The following AGAP9 variants were observed in gnomAD, a reference collection of about 807,000 sequenced individuals.
AGAP9 encodes arf-GAP with GTPase, ANK repeat and PH domain-containing protein 9.
AGAP9 carries 23 observed loss-of-function variants against 55.6 expected under a neutral mutation model. The ratio of observed to expected loss-of-function variants is 0.41; its 90% CI spans 0.30 to 0.59. AGAP9 has a LOEUF of 0.59. Ranked by LOEUF, AGAP9 falls within the 20% of genes least tolerant of loss-of-function variation. The pLI, the probability that AGAP9 is intolerant of heterozygous loss-of-function variation, is 0.25. For missense variants in AGAP9, 309 were observed against 808.1 expected, an observed-to-expected ratio of 0.38 and a Z score of 7.49; for synonymous variants, 120 against 305.0, an observed-to-expected ratio of 0.39 and a Z score of 6.32.
intron 2 of AGAP9, among the ~76,000 whole-genome samples, chr10:47,522,229 G>A (rs71277342): frequency 0.018 from 2,162 of 117,940 alleles, 81 homozygotes; most frequent in South Asian, 0.044. Context: ...AAAAGTCTAC[G>A]TTGACGTTTC....
chr10:47,514,220 A>T (rs1840685847), intron 4 of AGAP9, among the ~76,000 whole-genome samples: 1 of 148,510 alleles, frequency 6.7e-6, no homozygotes, highest in Non-Finnish European at 1.5e-5. Flanking sequence ...TCAGTCAATG[A>T]GCGGATAAAG....
chr10:47,502,937 T>C lies in AGAP9; in HGVS notation c.1192A>G (p.Asn398Asp), dbSNP rs1443896725. The C allele has an allele frequency of 3.7e-6, 6 of 1,600,602 alleles. No individual in the cohort carries two copies. In the African/African-American group the frequency reaches 5.7e-5, roughly 15 times the overall value. The change falls in exon 8 of 8, where the codon AAT becomes GAT. Residue 398 changes from asparagine (N) to aspartate (D), a missense_variant. Transcript: ENST00000452145. ...KLNPPPSPHA[N>D]KKKHLKKKST... ...TTCTTCTTTAGGTGTTTCTTTTTAT[T>C]GGCATGAGGAGAGGGGGGCGGGTTG...
chr10:47,511,117 G>A (rs1371478787), intron 4 of AGAP9, among the ~76,000 whole-genome samples: 1 of 129,670 alleles, frequency 7.7e-6, no homozygotes, highest in Non-Finnish European at 1.6e-5. Flanking sequence ...CTAACTTTTT[G>A]TATTTTTAGT....
At chr10:47,509,476 GGCTAGT>G (rs1412809411) in intron 5 of AGAP9, among the ~76,000 whole-genome samples, 1 of 116,288 alleles carries the variant, frequency 8.6e-6, no homozygotes, top group Non-Finnish European at 1.7e-5. Context: ...TAGCTAAAAA[GGCTAGT>G]GCATTTGAAA....
In AGAP9 at chr10:47,510,180, G is replaced by C. The variant is rs1449648405; in HGVS notation, c.488C>G (p.Thr163Arg). Residue 163 changes from threonine to arginine, a missense_variant, in exon 5 of 8, where the codon ACA (threonine) becomes AGA (arginine). Thr to Arg is a moderately conservative substitution (Grantham distance 71). Coordinates refer to ENST00000452145, the MANE Select transcript of AGAP9 (RefSeq NM_001190810.1). ...STAIQHYLTM[T>R]IISVTLEIPH... ...GCATAGTTGTACTCACGATATTATT[G>C]TCATTGTAAGATAATGCTGGATGGC... is the stretch of plus-strand genomic sequence containing the variant. 2.2e-6 allele frequency: 3 copies of C among 1,348,024 alleles called. No individual in the cohort carries two copies. Among genetic ancestry groups the C allele is most frequent in the Non-Finnish European group, 3.0e-6 (3 of 995,664 alleles). The allele number at this position is 1,348,024 out of a possible 1,614,324, so 83.5% of individuals were successfully genotyped here. A position where few individuals can be genotyped will look rare whatever the true frequency, so the allele number is the denominator to read the frequency against.
At position 47,502,253 on chromosome 10, in the gene AGAP9, T is replaced by G. The variant is rs1840365803; in HGVS notation, c.1876A>C (p.Thr626Pro). Residue 626 changes from threonine (T) to proline (P), a missense_variant, in exon 8 of 8, where the codon ACG (threonine) becomes CCG (proline). Physicochemically the swap from Thr to Pro is conservative, Grantham distance 38. Transcript: ENST00000452145. ...NETCGEGDGCTALHLACRKGN... is the reference protein window; with the variant it reads ...NETCGEGDGCPALHLACRKGN... ...TTGCGGCAGGCCAGATGGAGTGCCG[T>G]GCAGCCGTCTCCCTCCCCACAGGTC... is the stretch of plus-strand genomic sequence containing the variant. The G allele has an allele frequency of 1.3e-6, 2 of 1,594,784 alleles. No individual in the cohort carries two copies. The highest frequency in any genetic ancestry group is 1.1e-5 in the South Asian group (1 of 90,554).
chr10:47,521,273 T>G lies in AGAP9; in HGVS notation c.293-706A>C, dbSNP rs1217303535. Among the ~76,000 whole-genome samples the G allele has an allele frequency of 1.5e-5, 2 of 136,978 alleles. 1 individual carries two copies. Among genetic ancestry groups the G allele is most frequent in the African/African-American group, 5.8e-5 (2 of 34,420 alleles). 89.9% of individuals were successfully genotyped at this position (136,978 alleles called of 152,430 possible). A position where few individuals can be genotyped will look rare whatever the true frequency, so the allele number is the denominator to read the frequency against. On this transcript the variant is annotated intron_variant, in intron 2 of 7. Coordinates refer to ENST00000452145, the MANE Select transcript of AGAP9 (RefSeq NM_001190810.1). ...CCCATCTACTAACTGGTGTGTAACA[T>G]CCATCAGGCTTTCCAAACATCACCA...
At chr10:47,505,518 GA>G (rs1840458513) in intron 6 of AGAP9, among the ~76,000 whole-genome samples, 1 of 138,168 alleles carries the variant, frequency 7.2e-6, no homozygotes, top group Non-Finnish European at 1.6e-5. Flanking sequence ...AAGAATCCGT[GA>G]TTTAACTGTG....
rs1236984726 is a variant in AGAP9, at chr10:47,502,877, C to G, written c.1252G>C (p.Gly418Arg). Reference protein sequence around the residue: ...TNNFMIVSATGQTWHFEATTY... With the variant: ...TNNFMIVSATRQTWHFEATTY... ...GTGGCTTCAAAGTGCCACGTTTGGC[C>G]AGTGGCAGACACAATCATAAAGTTG... The change falls in exon 8 of 8, where the codon GGC becomes CGC. Residue 418 changes from glycine (G) to arginine (R), a missense_variant. Transcript: ENST00000452145. The G allele has an allele frequency of 1.2e-6, 2 of 1,604,682 alleles. No homozygotes were observed. Among genetic ancestry groups the G allele is most frequent in the East Asian group, 4.6e-5 (2 of 43,500 alleles).
At position 47,502,744 on chromosome 10, in the gene AGAP9, C is replaced by T; in HGVS notation, c.1385G>A (p.Ser462Asn). ...GATCGACTGCAGGGCCATGGCCTCA[C>T]TCTGGCTGGTCAGCTGGGACTTGCT... ...SKSKSQLTSQ[S>N]EAMALQSIQN... The change falls in exon 8 of 8, where the codon AGT becomes AAT. Residue 462 changes from serine (S) to asparagine (N), a missense_variant. Coordinates refer to ENST00000452145, the MANE Select transcript of AGAP9 (RefSeq NM_001190810.1). 6.3e-7 allele frequency: 1 copy of T among 1,592,238 alleles called. No homozygotes were observed. Among genetic ancestry groups the T allele is most frequent in the South Asian group, 1.1e-5 (1 of 90,436 alleles).
rs1477417275 is a variant in AGAP9, at chr10:47,520,867, A to G, written c.293-300T>C. 8.3e-5 allele frequency among the ~76,000 whole-genome samples: 11 copies of G among 132,458 alleles called. 1 individual carries two copies. Among genetic ancestry groups the G allele is most frequent in the South Asian group, 4.4e-4 (2 of 4,496 alleles). The allele number at this position is 132,458 out of a possible 152,430, so 86.9% of individuals were successfully genotyped here. A position where few individuals can be genotyped will look rare whatever the true frequency, so the allele number is the denominator to read the frequency against. ...AAAAAAAAAAAAAAAAAAAAGAAGA[A>G]GAGGTAAATTTTGGCTTTGAGTTGT... On this transcript the variant is annotated intron_variant, in intron 2 of 7. Coordinates refer to ENST00000452145, the MANE Select transcript of AGAP9 (RefSeq NM_001190810.1).
chr10:47,513,019 G>C (rs1840657323), intron 4 of AGAP9, among the ~76,000 whole-genome samples: 1 of 128,512 alleles, frequency 7.8e-6, no homozygotes, highest in Admixed American at 7.8e-5. Context: ...AAACCCATTT[G>C]ATCATGGTGG....
rs1840365724 is a variant in AGAP9, at chr10:47,502,252, G to A, written c.1877C>T (p.Thr626Met). ...NETCGEGDGC[T>M]ALHLACRKGN... is the part of the protein sequence containing the mutation. ...CTTGCGGCAGGCCAGATGGAGTGCC[G>A]TGCAGCCGTCTCCCTCCCCACAGGT... Residue 626 changes from threonine to methionine, a missense_variant, in exon 8 of 8, where the codon ACG (threonine) becomes ATG (methionine). Transcript: ENST00000452145. 14 of 1,594,592 alleles carry A rather than the reference G, an allele frequency of 8.8e-6. 1 individual carries two copies. The highest frequency in any genetic ancestry group is 2.4e-5 in the East Asian group (1 of 41,564).
chr10:47,510,829 C>CA (rs1180008752), intron 4 of AGAP9, among the ~76,000 whole-genome samples: 1,538 of 26,844 alleles, frequency 0.057, 40 homozygotes, highest in Middle Eastern at 0.15. Context: ...GACTCCGTCT[C>CA]AAAAAAAAAA....
At chr10:47,521,232 C>T (rs1195961183) in intron 2 of AGAP9, among the ~76,000 whole-genome samples, 1 of 133,844 alleles carries the variant, frequency 7.5e-6, no homozygotes, top group African/African-American at 3.0e-5. Flanking sequence ...CATTTTTGGG[C>T]TCTCATCCAA....
At position 47,502,990 on chromosome 10, in the gene AGAP9, C is replaced by A; in HGVS notation, c.1139G>T (p.Gly380Val). The stretch of plus-strand genomic sequence containing the variant: ...CTTGGGGCTGGTGGTGCTGGAGATA[C>A]CGGGGCTGAAGCATATGGAGTCACC... ...GLGDSICFSPGISSTTSPKLN... is the reference protein window; with the variant it reads ...GLGDSICFSPVISSTTSPKLN... Residue 380 changes from glycine (G) to valine (V), a missense_variant, in exon 8 of 8, where the codon GGT becomes GTT. Coordinates refer to ENST00000452145, the MANE Select transcript of AGAP9 (RefSeq NM_001190810.1). 1.9e-6 allele frequency: 3 copies of A among 1,560,390 alleles called. No individual in the cohort carries two copies. Among genetic ancestry groups the A allele is most frequent in the Non-Finnish European group, 8.7e-7 (1 of 1,151,484 alleles).
chr10:47,506,781 A>T, intron 6 of AGAP9, among the ~76,000 whole-genome samples: 1 of 144,402 alleles, frequency 6.9e-6, no homozygotes, highest in Non-Finnish European at 1.5e-5. Flanking sequence ...GTGGGACTAC[A>T]GGTGCGTGCC....
chr10:47,522,122 A>T (rs2132501240), intron 2 of AGAP9, among the ~76,000 whole-genome samples: 1 of 146,464 alleles, frequency 6.8e-6, no homozygotes, highest in Non-Finnish European at 1.5e-5. Context: ...ACAAGATGCT[A>T]TTGTCAGGAG....
intron 6 of AGAP9, among the ~76,000 whole-genome samples, chr10:47,504,829 A>C (rs2132474604): frequency 7.2e-6 from 1 of 138,564 alleles, no homozygotes; most frequent in South Asian, 2.5e-4. Context: ...CAGAAGGCCT[A>C]AGAGGTCATA....
Sources: gnomAD v4.1 joint callset for allele counts (sites outside exome capture counted in the v4.1 genomes callset) on GRCh38, gnomAD v4.1.1 for gene constraint, MANE v1.5 for transcripts, NCBI Gene and HGNC (gene_info 2026-07-23, HGNC 2026-07-21) for gene names.